NRG1: variants seen among roughly 807,000 people sequenced by gnomAD.
NRG1 encodes the protein neuregulin 1.
A neutral mutation model predicts 63.8 loss-of-function variants in NRG1; 18 were observed. The ratio of observed to expected loss-of-function variants is 0.28; its 90% confidence interval spans 0.19 to 0.42. The LOEUF is 0.42. Ranked by LOEUF, NRG1 falls within the 10% of genes least tolerant of loss-of-function variation. The probability of loss-of-function intolerance (pLI) is 1.00; values close to 1 mark genes in which losing one functional copy is unlikely to be tolerated. For synonymous variants in NRG1, 302 were observed against 301.3 expected (o/e 1.00, Z -0.02); for missense variants, 762 against 814.7 (o/e 0.94, Z 0.79).
At chr8:31,690,225 A>T (rs1809349882) in intron 1 of NRG1, among the ~76,000 whole-genome samples, 1 of 106,518 alleles carries the variant, frequency 9.4e-6, no homozygotes, top group South Asian at 4.2e-4. Flanking sequence ...GCCATGCTGA[A>T]CTGTGAGTCA....
At chr8:31,807,042 C>T (rs1265542495) in intron 1 of NRG1, among the ~76,000 whole-genome samples, 1 of 152,190 alleles carries the variant, frequency 6.6e-6, no homozygotes, top group Non-Finnish European at 1.5e-5. Context: ...AAAGACAATG[C>T]TTTGTCAAAT....
At chr8:32,641,161 A>C (rs1852312041) in intron 5 of NRG1, among the ~76,000 whole-genome samples, 1 of 149,482 alleles carries the variant, frequency 6.7e-6, no homozygotes, top group Non-Finnish European at 1.5e-5. Context: ...ACATATATAT[A>C]TATAAATATA....
intron 1 of NRG1, among the ~76,000 whole-genome samples, chr8:32,180,349 T>C (rs1008023056): frequency 1.3e-5 from 2 of 152,206 alleles, no homozygotes; most frequent in African/African-American, 4.8e-5. Flanking sequence ...TAGACTCCTT[T>C]GGCATTCCAG....
At chr8:32,059,806 A>T (rs1333550446) in intron 1 of NRG1, among the ~76,000 whole-genome samples, 4 of 151,952 alleles carry the variant, frequency 2.6e-5, no homozygotes, top group Non-Finnish European at 5.9e-5. Flanking sequence ...CCATTGAGCT[A>T]TGGGAAACTT....
chr8:32,537,922 G>T (rs1300463646), intron 1 of NRG1, among the ~76,000 whole-genome samples: 1 of 152,160 alleles, frequency 6.6e-6, no homozygotes, highest in Non-Finnish European at 1.5e-5. Context: ...CGAGATCTCA[G>T]TTCACTGCAA....
chr8:32,203,760 G>A (rs1280672916), intron 1 of NRG1, among the ~76,000 whole-genome samples: 1 of 152,132 alleles, frequency 6.6e-6, no homozygotes. Context: ...TAAGGATATA[G>A]CAGGGAATAA....
chr8:32,423,251 G>A (rs1454944580), intron 1 of NRG1, among the ~76,000 whole-genome samples: 1 of 152,166 alleles, frequency 6.6e-6, no homozygotes, highest in Non-Finnish European at 1.5e-5. Context: ...AATTGAGGAG[G>A]CCTCACACTT....
At chr8:31,988,532 G>T (rs1314519008) in intron 1 of NRG1, among the ~76,000 whole-genome samples, 2 of 152,054 alleles carry the variant, frequency 1.3e-5, no homozygotes, top group Non-Finnish European at 2.9e-5. Flanking sequence ...TAGGCCAACT[G>T]AATTCTTCTT....
At chr8:32,450,104 G>A (rs900011766) in intron 1 of NRG1, among the ~76,000 whole-genome samples, 1 of 152,192 alleles carries the variant, frequency 6.6e-6, no homozygotes, top group African/African-American at 2.4e-5. Context: ...ATAGAGCGAA[G>A]ATAGAATCTT....
chr8:31,943,296 C>A (rs767048377), intron 1 of NRG1, among the ~76,000 whole-genome samples: 2 of 152,012 alleles, frequency 1.3e-5, no homozygotes, highest in African/African-American at 4.8e-5. Context: ...GAAAACCAAA[C>A]GTTGTATGTT....
In NRG1 at chr8:31,878,206, T is replaced by C. The variant is rs539259055; in HGVS notation, c.37+238775T>C. Among the ~76,000 whole-genome samples the C allele has an allele frequency of 5.3e-5, 8 of 152,322 alleles. No homozygotes were observed. The East Asian group carries it at 1.4e-3, about 26-fold the overall frequency. ...CAGGACTTTGCTATGTTTTCAAATA[T>C]AGTTTTTTTCTATTGCTATATATGG... On this transcript the variant is annotated intron_variant, in intron 1 of 10. Coordinates refer to the NRG1 transcript ENST00000519301.
intron 1 of NRG1, among the ~76,000 whole-genome samples, chr8:32,461,132 C>T (rs989730528): frequency 6.6e-6 from 1 of 152,040 alleles, no homozygotes; most frequent in Non-Finnish European, 1.5e-5. Flanking sequence ...GGCTCCTACT[C>T]TTCCAATGGG....
In NRG1 at chr8:32,548,480, C is replaced by G. The variant is rs559445575; in HGVS notation, c.-247C>G. The G allele has an allele frequency of 2.5e-5, 30 of 1,193,980 alleles. 1 individual carries two copies. The African/African-American group carries it at 4.3e-4, about 17-fold the overall frequency. 74.0% of individuals were successfully genotyped at this position (1,193,980 alleles called of 1,614,324 possible). ...CAGCGGTGGGACCCATCGACGACTT[C>G]CCGGGGCGACAGGAGCAGCCCCGAG... On this transcript the variant is annotated 5_prime_UTR_variant, in exon 1 of 12. Transcript: ENST00000356819.
At chr8:32,531,669 T>C (rs1831465369) in intron 1 of NRG1, among the ~76,000 whole-genome samples, 1 of 152,190 alleles carries the variant, frequency 6.6e-6, no homozygotes, top group Non-Finnish European at 1.5e-5. Flanking sequence ...TAGTATTACT[T>C]AGGGTGTTGT....
At chr8:32,465,444 C>T (rs758970571) in intron 1 of NRG1, among the ~76,000 whole-genome samples, 20 of 152,066 alleles carry the variant, frequency 1.3e-4, no homozygotes, top group Admixed American at 7.2e-4. Context: ...TGAGCAAGCC[C>T]GCTTATTTAA....
At chr8:32,107,869 CT>C (rs1831480304) in intron 1 of NRG1, among the ~76,000 whole-genome samples, 3 of 152,130 alleles carry the variant, frequency 2.0e-5, no homozygotes, top group Admixed American at 2.0e-4. Context: ...ATAAGTGCTT[CT>C]TTTTAAAAAA....
intron 1 of NRG1, among the ~76,000 whole-genome samples, chr8:31,963,440 C>T (rs891909483): frequency 2.0e-5 from 3 of 152,116 alleles, no homozygotes; most frequent in Non-Finnish European, 2.9e-5. Context: ...GATACATCAG[C>T]CTTAGCATAC....
chr8:31,691,452 G>A (rs1410644664), intron 1 of NRG1, among the ~76,000 whole-genome samples: 1 of 151,776 alleles, frequency 6.6e-6, no homozygotes, highest in Non-Finnish European at 1.5e-5. Context: ...AAAATTAGCT[G>A]GGCGCAGTGG....
intron 1 of NRG1, among the ~76,000 whole-genome samples, chr8:32,480,342 T>C (rs893386858): frequency 4.6e-5 from 7 of 151,694 alleles, no homozygotes; most frequent in African/African-American, 1.7e-4. Context: ...GGATCCAAAG[T>C]TTCAGTTAGA....
Sources: gnomAD v4.1 joint callset for allele counts (sites outside exome capture counted in the v4.1 genomes callset) on GRCh38, gnomAD v4.1.1 for gene constraint, MANE v1.5 for transcripts, NCBI Gene and HGNC (gene_info 2026-07-23, HGNC 2026-07-21) for gene names.